LRMDA: variants seen among roughly 807,000 people sequenced by gnomAD.
The protein encoded by LRMDA is leucine rich melanocyte differentiation associated, also known as leucine-rich melanocyte differentiation-associated protein.
Under a neutral mutation model 29.8 loss-of-function variants are expected in LRMDA, and 18 were observed. That is an observed-to-expected ratio of 0.60 (90% CI 0.42 to 0.90). LRMDA has a LOEUF of 0.90. Among genes scored for constraint, LRMDA ranks in the 40% least tolerant of loss-of-function variants. The pLI, the probability that LRMDA is intolerant of heterozygous loss-of-function variation, is 0.00. For synonymous variants in LRMDA, 125 were observed against 109.4 expected (o/e 1.14, Z -0.89); for missense variants, 273 against 273.9 (o/e 1.00, Z 0.02).
chr10:75,992,248 T>TTG (rs1167510870), intron 2 of LRMDA, among the ~76,000 whole-genome samples: 1 of 152,174 alleles, frequency 6.6e-6, no homozygotes, highest in Non-Finnish European at 1.5e-5. Context: ...TCCTTTGTGC[T>TTG]TGTGAATGGT....
At chr10:76,259,782 A>G (rs527930397) in intron 5 of LRMDA, among the ~76,000 whole-genome samples, 1 of 152,206 alleles carries the variant, frequency 6.6e-6, no homozygotes, top group Admixed American at 6.5e-5. Flanking sequence ...ATATATTTAC[A>G]GTTCTTATAT....
chr10:76,254,812 G>A (rs1030716849), intron 5 of LRMDA, among the ~76,000 whole-genome samples: 1 of 119,858 alleles, frequency 8.3e-6, no homozygotes, highest in Non-Finnish European at 1.7e-5. Context: ...CGTGAGTTTA[G>A]TTCAAGTTCA....
intron 6 of LRMDA, among the ~76,000 whole-genome samples, chr10:76,434,679 C>T (rs1311148401): frequency 6.6e-6 from 1 of 152,182 alleles, no homozygotes; most frequent in Non-Finnish European, 1.5e-5. Context: ...CAGGCTCTGG[C>T]AAGATGCTCA....
chr10:75,718,455 G>C (rs544086316), intron 2 of LRMDA, among the ~76,000 whole-genome samples: 11 of 152,354 alleles, frequency 7.2e-5, no homozygotes, highest in African/African-American at 2.2e-4. Context: ...ATGAAGTCTT[G>C]TGGCCAAGAT....
intron 2 of LRMDA, among the ~76,000 whole-genome samples, chr10:75,589,777 TAGAG>T (rs796093885): frequency 0.019 from 2,604 of 135,550 alleles, 84 homozygotes; most frequent in African/African-American, 0.069. Flanking sequence ...TATATATATA[TAGAG>T]AGAGAGAGAG....
At chr10:75,517,250 G>A (rs1435411082) in intron 2 of LRMDA, among the ~76,000 whole-genome samples, 3 of 152,148 alleles carry the variant, frequency 2.0e-5, no homozygotes, top group Non-Finnish European at 4.4e-5. Flanking sequence ...GTCAATGGTA[G>A]CTTGATGGGG....
At chr10:75,897,211 A>G (rs1845598437) in intron 2 of LRMDA, among the ~76,000 whole-genome samples, 1 of 152,234 alleles carries the variant, frequency 6.6e-6, no homozygotes, top group African/African-American at 2.4e-5. Context: ...TAGAATGGGT[A>G]ATGGCTCTCC....
intron 2 of LRMDA, among the ~76,000 whole-genome samples, chr10:75,709,166 A>T (rs1159415818): frequency 6.6e-6 from 1 of 152,192 alleles, no homozygotes; most frequent in Non-Finnish European, 1.5e-5. Flanking sequence ...TGTTTTCAAA[A>T]CTAAGCACCT....
chr10:76,244,079 A>G (rs1028096551), intron 5 of LRMDA, among the ~76,000 whole-genome samples: 1 of 152,174 alleles, frequency 6.6e-6, no homozygotes, highest in Non-Finnish European at 1.5e-5. Flanking sequence ...CACCAAGTTT[A>G]TGGTAGTTTG....
chr10:76,418,297 T>C (rs1458349089), intron 6 of LRMDA, among the ~76,000 whole-genome samples: 2 of 151,702 alleles, frequency 1.3e-5, no homozygotes, highest in Non-Finnish European at 2.9e-5. Flanking sequence ...AGGTCTTCTT[T>C]AGTTAACTCA....
At chr10:76,462,580 G>A (rs1038805767) in intron 6 of LRMDA, among the ~76,000 whole-genome samples, 3 of 152,172 alleles carry the variant, frequency 2.0e-5, no homozygotes, top group African/African-American at 4.8e-5. Flanking sequence ...CCCATTATGA[G>A]AAGTTGAAAT....
At chr10:75,673,010 G>A (rs904211210) in intron 2 of LRMDA, among the ~76,000 whole-genome samples, 1 of 150,690 alleles carries the variant, frequency 6.6e-6, no homozygotes, top group Non-Finnish European at 1.5e-5. Context: ...TTAAGAAAGT[G>A]AATGATGTCA....
intron 2 of LRMDA, among the ~76,000 whole-genome samples, chr10:75,644,047 A>G (rs1190737293): frequency 2.6e-5 from 4 of 152,242 alleles, no homozygotes; most frequent in Admixed American, 6.5e-5. Context: ...TGTTCGAGAC[A>G]TGGGATTCAG....
At chr10:76,485,470 A>G (rs892809859) in intron 6 of LRMDA, among the ~76,000 whole-genome samples, 3 of 151,862 alleles carry the variant, frequency 2.0e-5, no homozygotes, top group Non-Finnish European at 2.9e-5. Flanking sequence ...CATTCATTTC[A>G]CTTATTCATA....
At chr10:76,128,604 GATGGATGTTT>G (rs1234856437) in intron 5 of LRMDA, among the ~76,000 whole-genome samples, 1 of 152,202 alleles carries the variant, frequency 6.6e-6, no homozygotes, top group Non-Finnish European at 1.5e-5. Flanking sequence ...TGATGGAGAT[GATGGATGTTT>G]ATGATCCCCA....
intron 2 of LRMDA, among the ~76,000 whole-genome samples, chr10:75,809,557 C>A (rs191119181): frequency 6.6e-6 from 1 of 152,246 alleles, no homozygotes; most frequent in Admixed American, 6.5e-5. Context: ...GCAGGAGAAT[C>A]GCCTTGAACC....
intron 5 of LRMDA, among the ~76,000 whole-genome samples, chr10:76,066,348 A>G (rs561415038): frequency 2.0e-5 from 3 of 152,340 alleles, no homozygotes; most frequent in Admixed American, 6.5e-5. Flanking sequence ...TCTGCTAGCT[A>G]TTGTACCAGC....
At chr10:76,251,762 T>G (rs1363434598) in intron 5 of LRMDA, among the ~76,000 whole-genome samples, 1 of 152,230 alleles carries the variant, frequency 6.6e-6, no homozygotes, top group Non-Finnish European at 1.5e-5. Flanking sequence ...TCAAGGAGCA[T>G]GTTTATCTAT....
At position 75,875,376 on chromosome 10, in the gene LRMDA, C is replaced by T. The variant is rs1179883041; in HGVS notation, c.132-160632C>T. On this transcript the variant is annotated intron_variant, in intron 2 of 6. Coordinates refer to ENST00000611255, the MANE Select transcript of LRMDA (RefSeq NM_001305581.2). ...GAGTTTGGAGAAGGATGAGAGGCTT[C>T]TTCCTTATGGGGAAAGATGACAAGG... 2.6e-5 allele frequency among the ~76,000 whole-genome samples: 4 copies of T among 152,174 alleles called. No individual in the cohort carries two copies. In the East Asian group the frequency reaches 5.8e-4, roughly 22 times the overall value.
Sources: allele counts gnomAD v4.1 joint callset (sites outside exome capture counted in the v4.1 genomes callset), GRCh38; gene constraint gnomAD v4.1.1; transcripts MANE v1.5; gene names NCBI Gene and HGNC (gene_info 2026-07-23, HGNC 2026-07-21).